The following ABCA13 variants were observed in gnomAD, a reference collection of about 807,000 sequenced individuals.
The protein encoded by ABCA13 is ATP binding cassette subfamily A member 13.
A neutral mutation model predicts 478.7 loss-of-function variants in ABCA13; 476 were observed. The observed-to-expected ratio is 0.99, with a 90% CI of 0.92 to 1.07. The LOEUF (loss-of-function observed/expected upper bound fraction) is 1.07, where lower values mean the gene tolerates loss of function less well. Ranked by LOEUF, ABCA13 falls within the 50% of genes least tolerant of loss-of-function variation. The pLI is 0.00. For missense variants in ABCA13, 6,060 were observed against 5,910.6 expected (o/e 1.03, Z -0.83); for synonymous variants, 2,252 against 2,158.9 (o/e 1.04, Z -1.20).
intron 23 of ABCA13, 44 bp downstream of exon 23, chr7:48,298,531 GC>G: frequency 6.3e-7 from 1 of 1,590,268 alleles, no homozygotes; most frequent in Admixed American, 1.8e-5. Context: ...CATGGAAGGA[GC>G]CTTAGCCTGA....
chr7:48,561,895 T>C (rs1303094455), intron 55 of ABCA13, among the ~76,000 whole-genome samples: 2 of 152,114 alleles, frequency 1.3e-5, no homozygotes, highest in Admixed American at 1.3e-4. Context: ...CTATTTTGAA[T>C]TGAGTTTTGG....
intron 7 of ABCA13, among the ~76,000 whole-genome samples, chr7:48,231,548 T>A (rs990781125): frequency 2.0e-5 from 3 of 152,044 alleles, no homozygotes; most frequent in African/African-American, 7.2e-5. Context: ...AGAAAGACAC[T>A]CCTGGGCCGG....
At chr7:48,285,048 C>T (rs904545836) in intron 19 of ABCA13, among the ~76,000 whole-genome samples, 8 of 152,128 alleles carry the variant, frequency 5.3e-5, no homozygotes, top group African/African-American at 1.9e-4. Flanking sequence ...TTAAAGATGC[C>T]AAGGACAATG....
intron 58 of ABCA13, 65 bp downstream of exon 58, chr7:48,594,878 A>T: frequency 7.3e-7 from 1 of 1,374,386 alleles, no homozygotes; most frequent in Non-Finnish European, 1.0e-6. Flanking sequence ...TAAGAAGTGC[A>T]TTTAGGTACC....
At chr7:48,537,693 T>A (rs919937848) in intron 55 of ABCA13, among the ~76,000 whole-genome samples, 4 of 152,080 alleles carry the variant, frequency 2.6e-5, no homozygotes, top group African/African-American at 7.2e-5. Flanking sequence ...AATGACTAAA[T>A]GTGACTCAGG....
intron 54 of ABCA13, among the ~76,000 whole-genome samples, chr7:48,527,417 A>G (rs756932979): frequency 1.1e-4 from 17 of 152,252 alleles, no homozygotes; most frequent in Non-Finnish European, 2.1e-4. Context: ...GCCAGTTTGT[A>G]TCCATAGATC....
rs140570835 is a variant in ABCA13 at position 48,598,582 on chromosome 7, A to G, written c.14744+3769A>G. On this transcript the variant is annotated intron_variant, in intron 58 of 61. Coordinates refer to ENST00000435803, the MANE Select transcript of ABCA13 (RefSeq NM_152701.5). ...TAGCAGATATTCCTATATTCTGAAT[A>G]GAAGTCCCTTGCTGGATAAATGATT... Among the ~76,000 whole-genome samples, 1,119 of 152,324 alleles carry G rather than the reference A, an allele frequency of 7.3e-3. 15 individuals are homozygous for G. Among genetic ancestry groups the G allele is most frequent in the African/African-American group, 0.025 (1,037 of 41,574 alleles).
At chr7:48,469,869 G>A (rs1006683436) in intron 44 of ABCA13, among the ~76,000 whole-genome samples, 4 of 151,342 alleles carry the variant, frequency 2.6e-5, no homozygotes, top group African/African-American at 9.7e-5. Flanking sequence ...GTAGTGAGCC[G>A]AGATTGTGCC....
chr7:48,511,325 T>C, intron 51 of ABCA13, 126 bp downstream of exon 51: 1 of 772,712 alleles, frequency 1.3e-6, no homozygotes, highest in Non-Finnish European at 2.0e-6. Flanking sequence ...ATGTTGCTTC[T>C]GCAAGGGACA....
intron 38 of ABCA13, among the ~76,000 whole-genome samples, chr7:48,401,072 GTTCTTCCACTTAGA>G (rs1171168163): frequency 6.6e-6 from 1 of 152,128 alleles, no homozygotes; most frequent in African/African-American, 2.4e-5. Context: ...GTTAAATGCA[GTTCTTCCACTTAGA>G]AAGCTTTTAA....
chr7:48,307,634 A>G (rs1414226218), intron 23 of ABCA13, among the ~76,000 whole-genome samples: 1 of 152,108 alleles, frequency 6.6e-6, no homozygotes, highest in Non-Finnish European at 1.5e-5. Flanking sequence ...CTTCAATCAT[A>G]GATTAACCTT....
rs1213470739 is a variant in ABCA13, at chr7:48,350,777, A to G, written c.10339A>G (p.Thr3447Ala). 6.2e-7 allele frequency: 1 copy of G among 1,613,720 alleles called. No individual in the cohort carries two copies. Among genetic ancestry groups the G allele is most frequent in the African/African-American group, 1.3e-5 (1 of 74,886 alleles). The change falls in exon 30 of 62, where the codon ACT becomes GCT. Residue 3447 changes from threonine (T) to alanine (A), a missense_variant. This residue lies in a region of ABCA13 where 4,423 missense variants were observed against 4,309.1 expected (regional missense o/e 1.03). Coordinates refer to ENST00000435803, the MANE Select transcript of ABCA13 (RefSeq NM_152701.5). The part of the protein sequence containing the change: ...QALQSVDILE[T>A]KAHELLQQNS... ...TCTGCAGTCTGTCGACATCCTGGAG[A>G]CTAAAGCACATGAACTCTTGCAGCA...
Position 48,273,474 on chromosome 7 carries a change from T to C in ABCA13, c.3808T>C (p.Phe1270Leu). The C allele has an allele frequency of 6.2e-7, 1 of 1,609,490 alleles. No homozygotes were observed. The highest frequency in any genetic ancestry group is 8.5e-7 in the Non-Finnish European group (1 of 1,177,446). Residue 1270 changes from phenylalanine to leucine, a missense_variant, in exon 17 of 62, where the codon TTT becomes CTT. Physicochemically the swap from Phe to Leu is conservative, Grantham distance 22. Transcript: ENST00000435803. ...MEAALHQLKT[F>L]PFNESTSREF... ...AGCTGCCCTGCATCAGTTGAAGACA[T>C]TTCCATTCAACGAAAGTACAAGCAG...
intron 55 of ABCA13, among the ~76,000 whole-genome samples, chr7:48,552,890 A>G (rs763039219): frequency 5.9e-5 from 9 of 151,760 alleles, no homozygotes; most frequent in South Asian, 2.1e-4. Context: ...CTGTTATGCT[A>G]TAAAATACTA....
At position 48,295,765 on chromosome 7, in the gene ABCA13, T is replaced by C. The variant is rs572148360; in HGVS notation, c.9021T>C (p.Ser3007=). 3.1e-6 allele frequency: 5 copies of C among 1,614,076 alleles called. No individual in the cohort carries two copies. Among genetic ancestry groups the C allele is most frequent in the African/African-American group, 2.7e-5 (2 of 75,070 alleles). Residue 3007 remains serine (S), a synonymous_variant, in exon 21 of 62, where the codon TCT becomes TCC. Coordinates refer to ENST00000435803, the MANE Select transcript of ABCA13 (RefSeq NM_152701.5). Reference sequence around the variant, plus strand: ...GTGAAAGTCTTAGCAAGAATCTTTCTAGCACCTTGGAGAGCTTCAAGAGCA... The same window carrying C: ...GTGAAAGTCTTAGCAAGAATCTTTCCAGCACCTTGGAGAGCTTCAAGAGCA... The part of the protein sequence containing the change: ...LNCESLSKNL[S]STLESFKSSL...
intron 41 of ABCA13, among the ~76,000 whole-genome samples, chr7:48,417,397 C>T (rs1820166722): frequency 6.6e-6 from 1 of 152,278 alleles, no homozygotes. Flanking sequence ...CCATGGTTGC[C>T]ATGGGAAGGG....
intron 23 of ABCA13, among the ~76,000 whole-genome samples, chr7:48,302,383 G>A (rs769366762): frequency 1.3e-5 from 2 of 152,080 alleles, no homozygotes; most frequent in Non-Finnish European, 2.9e-5. Flanking sequence ...TGCATATGCT[G>A]GTTTGTTATA....
At chr7:48,601,195 C>G (rs1790861721) in intron 58 of ABCA13, among the ~76,000 whole-genome samples, 1 of 151,978 alleles carries the variant, frequency 6.6e-6, no homozygotes, top group Non-Finnish European at 1.5e-5. Flanking sequence ...TCCCCACTTA[C>G]TAATGTGGTT....
At chr7:48,179,307 T>C (rs1022816106) in intron 1 of ABCA13, among the ~76,000 whole-genome samples, 2 of 152,202 alleles carry the variant, frequency 1.3e-5, no homozygotes, top group Non-Finnish European at 2.9e-5. Context: ...AAAAGCACAT[T>C]TCTTTTTTCG....
Sources: gnomAD v4.1 joint callset for allele counts (sites outside exome capture counted in the v4.1 genomes callset) on GRCh38, gnomAD v4.1.1 for gene constraint, gnomAD v4.1.1 regional missense constraint, MANE v1.5 for transcripts, NCBI Gene and HGNC (gene_info 2026-07-23, HGNC 2026-07-21) for gene names.